Variants in RTTN observed in about 807,000 individuals in gnomAD.
RTTN encodes rotatin.
In RTTN, 182 loss-of-function variants were observed where a neutral mutation model predicts 269.2. The ratio of observed to expected loss-of-function variants is 0.68; its 90% CI spans 0.60 to 0.76. The LOEUF is 0.76. Among genes scored for constraint, RTTN ranks in the 30% least tolerant of loss-of-function variants. The probability of loss-of-function intolerance (pLI) is 0.00; values close to 1 mark genes in which losing one functional copy is unlikely to be tolerated. For synonymous variants in RTTN, 1,006 were observed against 963.5 expected, an observed-to-expected ratio of 1.04 and a Z score of -0.82; for missense variants, 2,545 against 2,608.6, an observed-to-expected ratio of 0.98 and a Z score of 0.53.
chr18:70,036,935 G>T (rs1848005387), intron 40 of RTTN, among the ~76,000 whole-genome samples: 1 of 152,228 alleles, frequency 6.6e-6, no homozygotes, highest in African/African-American at 2.4e-5. Context: ...CTATCTATCA[G>T]CAGCAGCTGC....
chr18:70,193,052 A>C, intron 8 of RTTN: 1 of 432,522 alleles, frequency 2.3e-6, no homozygotes, highest in South Asian at 4.1e-5. Context: ...ACATAAACAG[A>C]GCATATGTTC....
chr18:70,041,356 C>G (rs1049934118), intron 40 of RTTN, among the ~76,000 whole-genome samples: 10 of 150,180 alleles, frequency 6.7e-5, no homozygotes, highest in Non-Finnish European at 1.3e-4. Flanking sequence ...CCTGAAATCC[C>G]ATTAAAATGA....
chr18:70,110,830 G>A (rs762831976), intron 27 of RTTN, among the ~76,000 whole-genome samples: 3 of 152,206 alleles, frequency 2.0e-5, no homozygotes, highest in Non-Finnish European at 4.4e-5. Flanking sequence ...CTCGTTGCCA[G>A]CACAGCAGCA....
At chr18:70,036,705 A>T (rs1388360393) in intron 40 of RTTN, among the ~76,000 whole-genome samples, 3 of 152,200 alleles carry the variant, frequency 2.0e-5, no homozygotes, top group Non-Finnish European at 4.4e-5. Flanking sequence ...GTTAAAAAAG[A>T]ATCGGCTGGG....
chr18:70,100,775 T>A (rs911526526), intron 28 of RTTN, among the ~76,000 whole-genome samples: 1 of 152,186 alleles, frequency 6.6e-6, no homozygotes, highest in African/African-American at 2.4e-5. Context: ...TACTGAGAGT[T>A]TTTAGCATGA....
chr18:70,108,268 C>A (rs948654452), intron 28 of RTTN, among the ~76,000 whole-genome samples: 1 of 114,864 alleles, frequency 8.7e-6, no homozygotes, highest in East Asian at 3.2e-4. Context: ...CAGAGCAAGA[C>A]TCTGTCTCAA....
At chr18:70,180,656 C>A (rs999756287) in intron 10 of RTTN, among the ~76,000 whole-genome samples, 2 of 150,312 alleles carry the variant, frequency 1.3e-5, no homozygotes, top group African/African-American at 2.4e-5. Flanking sequence ...TTTCAAAGCA[C>A]CATTGGCAAT....
chr18:70,152,424 A>G (rs569558612), intron 14 of RTTN, among the ~76,000 whole-genome samples: 8 of 152,298 alleles, frequency 5.3e-5, no homozygotes, highest in Admixed American at 3.9e-4. Flanking sequence ...GGAGGATTCA[A>G]TGAGATAATA....
At position 70,057,622 on chromosome 18, in the gene RTTN, T is replaced by C. The variant is rs2057855868; in HGVS notation, c.5031+120A>G. 5.8e-6 allele frequency: 4 copies of C among 693,238 alleles called. No homozygotes were observed. In the African/African-American group the frequency reaches 7.2e-5, roughly 12 times the overall value. The allele number at this position is 693,238 out of a possible 1,614,324, so 42.9% of individuals were successfully genotyped here. On this transcript the variant is annotated intron_variant, in intron 37 of 48. Coordinates refer to ENST00000640769, the MANE Select transcript of RTTN (RefSeq NM_173630.4). The stretch of plus-strand genomic sequence containing the variant: ...AAGTAACGTATTTCGAATAATCTCA[T>C]CATACCATGTATATTTTGAGAGGTT...
intron 28 of RTTN, among the ~76,000 whole-genome samples, chr18:70,105,632 G>A (rs1016140953): frequency 5.9e-5 from 9 of 151,930 alleles, no homozygotes; most frequent in African/African-American, 9.7e-5. Context: ...GAACCTCTCC[G>A]AAATTTATTT....
chr18:70,166,764 A>G lies in RTTN; in HGVS notation c.1802+155T>C, dbSNP rs574536346. On this transcript the variant is annotated intron_variant, in intron 13 of 48. Transcript: ENST00000640769. Reference sequence around the variant, plus strand: ...CAGTTAAGTATCCTAATGCAGCTGTACATATACCCTTTAAAAATCAGACAC... The same window carrying G: ...CAGTTAAGTATCCTAATGCAGCTGTGCATATACCCTTTAAAAATCAGACAC... The G allele has an allele frequency of 8.9e-5, 52 of 585,504 alleles. No individual in the cohort carries two copies. The African/African-American group carries it at 9.1e-4, about 10-fold the overall frequency. The allele number at this position is 585,504 out of a possible 1,614,324, so 36.3% of individuals were successfully genotyped here.
chr18:70,099,569 A>G (rs2059100872), intron 28 of RTTN, among the ~76,000 whole-genome samples: 1 of 152,150 alleles, frequency 6.6e-6, no homozygotes, highest in Non-Finnish European at 1.5e-5. Context: ...TGCTATGCAG[A>G]AGCTCTTTAG....
At chr18:70,031,839 G>C (rs1344107937) in intron 40 of RTTN, among the ~76,000 whole-genome samples, 1 of 151,914 alleles carries the variant, frequency 6.6e-6, no homozygotes, top group African/African-American at 2.4e-5. Context: ...GGGCTGAAGG[G>C]GGAGGAAGCT....
intron 40 of RTTN, among the ~76,000 whole-genome samples, chr18:70,031,830 G>A (rs148005069): frequency 1.1e-4 from 17 of 152,048 alleles, no homozygotes; most frequent in Admixed American, 3.3e-4. Flanking sequence ...ACAGAGCTGG[G>A]GCTGAAGGGG....
chr18:70,082,585 T>G (rs190483161), intron 32 of RTTN, among the ~76,000 whole-genome samples: 1 of 152,346 alleles, frequency 6.6e-6, no homozygotes, highest in East Asian at 1.9e-4. Flanking sequence ...CTAGTCAGAC[T>G]GTGGGAAACT....
At chr18:70,072,341 G>T (rs2058318036) in intron 34 of RTTN, among the ~76,000 whole-genome samples, 1 of 151,992 alleles carries the variant, frequency 6.6e-6, no homozygotes, top group Non-Finnish European at 1.5e-5. Flanking sequence ...AAACTGAAAA[G>T]ATTCCATTGG....
chr18:70,010,320 T>C (rs965180890), intron 46 of RTTN, among the ~76,000 whole-genome samples: 33 of 152,202 alleles, frequency 2.2e-4, no homozygotes, highest in African/African-American at 7.7e-4. Flanking sequence ...ATTCTAAAAC[T>C]GACCACATAC....
intron 21 of RTTN, chr18:70,138,266 T>C (rs2060172470): frequency 6.6e-6 from 1 of 152,082 alleles, no homozygotes; most frequent in South Asian, 2.1e-4. Flanking sequence ...GTGATAAGAG[T>C]GAAATTCTTT....
rs773347244 is a variant in RTTN, at chr18:70,176,740, T to C, written c.1411A>G (p.Met471Val). ...QPEVMLVHHR[M>V]AFISISLFAV... is the part of the protein sequence containing the mutation. Reference sequence around the variant, plus strand: ...AACAGGGAAATGCTGATAAAGGCCATTCTGTGGTGCACAAGCATCACCTCT... The same window carrying C: ...AACAGGGAAATGCTGATAAAGGCCACTCTGTGGTGCACAAGCATCACCTCT... Residue 471 changes from methionine (M) to valine (V), a missense_variant, in exon 11 of 49, where the codon ATG becomes GTG. Coordinates refer to ENST00000640769, the MANE Select transcript of RTTN (RefSeq NM_173630.4). 3 of 1,614,006 alleles carry C rather than the reference T, an allele frequency of 1.9e-6. No homozygotes were observed. The highest frequency in any genetic ancestry group is 2.5e-6 in the Non-Finnish European group (3 of 1,179,994).
Sources: allele counts gnomAD v4.1 joint callset (sites outside exome capture counted in the v4.1 genomes callset), GRCh38; gene constraint gnomAD v4.1.1; transcripts MANE v1.5; gene names NCBI Gene and HGNC (gene_info 2026-07-23, HGNC 2026-07-21).